FLNB: variants seen among roughly 807,000 people sequenced by gnomAD.
The protein encoded by FLNB is filamin B.
FLNB carries 111 observed loss-of-function variants against 250.6 expected under a neutral mutation model. The ratio of observed to expected loss-of-function variants is 0.44; its 90% CI spans 0.38 to 0.52. The LOEUF is 0.52. FLNB is among the 20% of genes least tolerant of loss of function. The probability of loss-of-function intolerance (pLI) is 0.00; values close to 1 mark genes in which losing one functional copy is unlikely to be tolerated. For missense variants in FLNB, 2,869 were observed against 3,447.8 expected, an observed-to-expected ratio of 0.83 and a Z score of 4.20; for synonymous variants, 1,302 against 1,372.1, an observed-to-expected ratio of 0.95 and a Z score of 1.13.
Position 58,096,026 on chromosome 3 carries a change from C to T in FLNB, c.907-115C>T, listed in dbSNP as rs142779881. ...GCGTTGTGCAAGAGGGACAGGAGCT[C>T]GCCAGCACCTTCAGTGTTTCCGACC... On this transcript the variant is annotated intron_variant, in intron 5 of 45. Coordinates refer to ENST00000295956, the MANE Select transcript of FLNB (RefSeq NM_001457.4). The T allele has an allele frequency of 6.0e-4, 471 of 783,010 alleles. 7 individuals are homozygous for T. The African/African-American group carries it at 6.9e-3, about 12-fold the overall frequency. The allele number at this position is 783,010 out of a possible 1,614,324, so 48.5% of individuals were successfully genotyped here.
chr3:58,027,291 T>A (rs1158212605), intron 1 of FLNB, among the ~76,000 whole-genome samples: 1 of 150,902 alleles, frequency 6.6e-6, no homozygotes, highest in African/African-American at 2.4e-5. Context: ...TAGCTGGGAT[T>A]ACAGGCGTGC....
Position 58,104,076 on chromosome 3 carries a change from T to G in FLNB, c.1601T>G (p.Ile534Ser). 1 of 1,613,840 alleles carries G rather than the reference T, an allele frequency of 6.2e-7. No individual in the cohort carries two copies. The highest frequency in any genetic ancestry group is 8.5e-7 in the Non-Finnish European group (1 of 1,180,010). The change falls in exon 10 of 46, where the codon ATT becomes AGT. Residue 534 changes from isoleucine (I) to serine (S), a missense_variant. Around this residue, in one of 5 missense-constraint regions of FLNB, gnomAD observed 1,348 missense variants for 1,466.7 expected, o/e 0.92. Coordinates refer to ENST00000295956, the MANE Select transcript of FLNB (RefSeq NM_001457.4). ...GCCATCACATGGGGGGGACACCACA[T>G]TCCAAAGAGGTGAGGCTCCTGCTGC... ...SIAITWGGHHIPKSPFEVQVG... is the reference protein window; with the variant it reads ...SIAITWGGHHSPKSPFEVQVG...
chr3:58,115,652 G>A (rs1403209786), intron 18 of FLNB, among the ~76,000 whole-genome samples: 1 of 152,194 alleles, frequency 6.6e-6, no homozygotes, highest in Non-Finnish European at 1.5e-5. Context: ...GCAGGTTTGA[G>A]AACTGCTGCC....
intron 4 of FLNB, among the ~76,000 whole-genome samples, chr3:58,087,737 A>T (rs1213087789): frequency 6.7e-6 from 1 of 149,294 alleles, no homozygotes; most frequent in Non-Finnish European, 1.5e-5. Flanking sequence ...GGTGTGAGCC[A>T]CTGCGCCCAG....
chr3:58,008,985 G>A (rs2097094289), intron 1 of FLNB, 129 bp downstream of exon 1: 2 of 1,172,910 alleles, frequency 1.7e-6, no homozygotes, highest in Non-Finnish European at 2.5e-6. Context: ...TCGTCCCCAG[G>A]GGTGGGTTAT....
At chr3:58,136,447 C>G (rs2097316145) in intron 28 of FLNB, among the ~76,000 whole-genome samples, 1 of 152,174 alleles carries the variant, frequency 6.6e-6, no homozygotes, top group African/African-American at 2.4e-5. Flanking sequence ...TACATGATAA[C>G]TATTATTATA....
In FLNB at chr3:58,108,322, C is replaced by G. The variant is rs893036867; in HGVS notation, c.1942-136C>G. The G allele has an allele frequency of 7.2e-6, 5 of 697,784 alleles. No individual in the cohort carries two copies. In the East Asian group the frequency reaches 1.4e-4, roughly 19 times the overall value. The allele number at this position is 697,784 out of a possible 1,614,324, so 43.2% of individuals were successfully genotyped here. On this transcript the variant is annotated intron_variant, in intron 12 of 45. Coordinates refer to ENST00000295956, the MANE Select transcript of FLNB (RefSeq NM_001457.4). ...ACTTTAGCACTTTACTTCCCATAAC[C>G]AACCTCTTATGTGGATACTGTAAAA...
At chr3:58,059,050 A>G (rs1013308406) in intron 1 of FLNB, among the ~76,000 whole-genome samples, 1 of 152,200 alleles carries the variant, frequency 6.6e-6, no homozygotes, top group Admixed American at 6.5e-5. Context: ...GAGATTGTCA[A>G]TGTACGTTGG....
chr3:58,163,366 A>T (rs1462450614), intron 43 of FLNB, 36 bp downstream of exon 43: 1 of 1,606,054 alleles, frequency 6.2e-7, no homozygotes. Flanking sequence ...GCCTTAACTG[A>T]ACCAGCTCCA....
chr3:58,094,238 T>C (rs2097233786), intron 4 of FLNB, among the ~76,000 whole-genome samples: 1 of 152,076 alleles, frequency 6.6e-6, no homozygotes, highest in Admixed American at 6.5e-5. Context: ...TGCCACCACG[T>C]TGTATTTTTA....
intron 8 of FLNB, among the ~76,000 whole-genome samples, chr3:58,099,517 C>T (rs1262898428): frequency 1.3e-5 from 2 of 152,242 alleles, no homozygotes. Context: ...GACTCTCTCC[C>T]TCTGACTTTG....
At chr3:58,106,028 A>C (rs1344379740) in intron 11 of FLNB, among the ~76,000 whole-genome samples, 1 of 152,178 alleles carries the variant, frequency 6.6e-6, no homozygotes, top group Admixed American at 6.5e-5. Flanking sequence ...TTTGGTACAG[A>C]AAATATCTTA....
rs1392815357 is a variant in FLNB at position 58,123,269 on chromosome 3, C to T, written c.3303C>T (p.Pro1101=). The T allele has an allele frequency of 5.6e-6, 9 of 1,614,064 alleles. No homozygotes were observed. Among genetic ancestry groups the T allele is most frequent in the African/African-American group, 1.3e-5 (1 of 74,922 alleles). ...GDGTCSVSYL[P]TKPGEYFVNI... ...GGACCTGCTCCGTCTCTTACCTTCC[C>T]ACAAAACCCGGGGAGTACTTCGTCA... Residue 1101 remains proline (P), a synonymous_variant, in exon 21 of 46, where the codon CCC becomes CCT. Coordinates refer to ENST00000295956, the MANE Select transcript of FLNB (RefSeq NM_001457.4).
chr3:58,036,113 A>C (rs908476163), intron 1 of FLNB, among the ~76,000 whole-genome samples: 2 of 152,190 alleles, frequency 1.3e-5, no homozygotes, highest in African/African-American at 4.8e-5. Flanking sequence ...AGGACCCTAG[A>C]GCACAGAATG....
At chr3:58,059,741 C>T (rs919223291) in intron 1 of FLNB, among the ~76,000 whole-genome samples, 4 of 152,202 alleles carry the variant, frequency 2.6e-5, no homozygotes, top group African/African-American at 4.8e-5. Flanking sequence ...GACCGTTTAT[C>T]ACGGGCCAGA....
intron 5 of FLNB, 125 bp downstream of exon 5, chr3:58,095,079 G>A (rs1308385409): frequency 2.5e-6 from 2 of 806,500 alleles, no homozygotes; most frequent in East Asian, 4.9e-5. Flanking sequence ...TTTACCAAAA[G>A]GATACTGAGG....
At chr3:58,008,949 G>T in intron 1 of FLNB, 93 bp downstream of exon 1, 2 of 1,491,222 alleles carry the variant, frequency 1.3e-6, no homozygotes, top group African/African-American at 1.4e-5. Flanking sequence ...CCCGCAGCGC[G>T]CCCCCACCTC....
chr3:58,106,449 A>G (rs957996098), intron 11 of FLNB, among the ~76,000 whole-genome samples: 2 of 148,202 alleles, frequency 1.3e-5, no homozygotes, highest in African/African-American at 4.9e-5. Flanking sequence ...GAGCCACCAC[A>G]CCCAGCCCAG....
At chr3:58,070,949 CTT>C (rs562758119) in intron 1 of FLNB, among the ~76,000 whole-genome samples, 8 of 148,544 alleles carry the variant, frequency 5.4e-5, no homozygotes, top group South Asian at 4.2e-4. Flanking sequence ...CTCTCTCTCT[CTT>C]GTTTTTTTTT....
Sources: allele counts gnomAD v4.1 joint callset (sites outside exome capture counted in the v4.1 genomes callset), GRCh38; gene constraint gnomAD v4.1.1; regional missense constraint gnomAD v4.1.1; transcripts MANE v1.5; gene names NCBI Gene and HGNC (gene_info 2026-07-23, HGNC 2026-07-21).